CFAP20DC: variants seen among roughly 807,000 people sequenced by gnomAD.
CFAP20DC encodes CFAP20 domain containing, also known as protein CFAP20DC.
Under a neutral mutation model 101.7 loss-of-function variants are expected in CFAP20DC, and 84 were observed. The observed-to-expected ratio is 0.83, with a 90% CI of 0.69 to 0.99. The LOEUF is 0.99. Ranked by LOEUF, CFAP20DC falls within the 50% of genes least tolerant of loss-of-function variation. The pLI is 0.00. For missense variants in CFAP20DC, 1,007 were observed against 970.3 expected, an observed-to-expected ratio of 1.04 and a Z score of -0.50; for synonymous variants, 359 against 351.2, an observed-to-expected ratio of 1.02 and a Z score of -0.25.
At chr3:58,805,288 A>G (rs1356846254) in intron 15 of CFAP20DC, among the ~76,000 whole-genome samples, 1 of 152,194 alleles carries the variant, frequency 6.6e-6, no homozygotes, top group Admixed American at 6.5e-5. Context: ...AGAAGAATGG[A>G]GCAGATGGGA....
intron 6 of CFAP20DC, among the ~76,000 whole-genome samples, chr3:58,907,467 A>G (rs940418254): frequency 5.3e-5 from 8 of 152,258 alleles, no homozygotes; most frequent in Non-Finnish European, 2.9e-5. Context: ...AACAGAAGAC[A>G]GATAAATGTT....
At chr3:58,733,889 A>G (rs2067695039) in intron 3 of CFAP20DC, among the ~76,000 whole-genome samples, 1 of 152,238 alleles carries the variant, frequency 6.6e-6, no homozygotes, top group South Asian at 2.1e-4. Context: ...CATTTGTTTT[A>G]GCTTAGTCTT....
chr3:58,732,442 C>G lies in CFAP20DC; in HGVS notation c.198-14814G>C, dbSNP rs1313567439. ...AGTGACAACCTGAACCTCGAGTGGTCCAGGATGAATCAAGAGATGCTTTCA... is the reference window on the plus strand; with the variant it reads ...AGTGACAACCTGAACCTCGAGTGGTGCAGGATGAATCAAGAGATGCTTTCA... On this transcript the variant is annotated intron_variant, in intron 3 of 3. Coordinates refer to the CFAP20DC transcript ENST00000486145. This position sits in a 1 kb window ranked among gnomAD's most constrained non-coding sequence, Gnocchi z 5.4. 6.6e-6 allele frequency among the ~76,000 whole-genome samples: 1 copy of G among 152,116 alleles called. No individual in the cohort carries two copies. Among genetic ancestry groups the G allele is most frequent in the Non-Finnish European group, 1.5e-5 (1 of 68,028 alleles).
chr3:58,765,724 G>A (rs188030025), intron 15 of CFAP20DC, among the ~76,000 whole-genome samples: 123 of 152,144 alleles, frequency 8.1e-4, no homozygotes, highest in Middle Eastern at 3.4e-3. Flanking sequence ...TTTCACTGGG[G>A]ATCTTATATT....
At chr3:58,860,175 C>CAAAAAAAAAA (rs10575757) in intron 12 of CFAP20DC, among the ~76,000 whole-genome samples, 13 of 78,136 alleles carry the variant, frequency 1.7e-4, no homozygotes, top group East Asian at 6.2e-4. Context: ...AACTCCATCT[C>CAAAAAAAAAA]AAAAAAAAAA....
At chr3:58,935,455 C>T (rs1325925125) in intron 5 of CFAP20DC, among the ~76,000 whole-genome samples, 4 of 151,710 alleles carry the variant, frequency 2.6e-5, no homozygotes, top group South Asian at 2.1e-4. Context: ...AAAAAGAGCC[C>T]GCATCGCCAA....
intron 15 of CFAP20DC, among the ~76,000 whole-genome samples, chr3:58,769,437 C>A (rs2070632512): frequency 6.6e-6 from 1 of 152,176 alleles, no homozygotes; most frequent in African/African-American, 2.4e-5. Flanking sequence ...GTCTGGCCAT[C>A]ATGTCTGACT....
intron 12 of CFAP20DC, chr3:58,862,314 G>T: frequency 5.1e-6 from 5 of 985,366 alleles, no homozygotes; most frequent in Non-Finnish European, 6.0e-6. Flanking sequence ...CTGGGATGAG[G>T]ACACTATTAG....
intron 4 of CFAP20DC, among the ~76,000 whole-genome samples, chr3:58,969,878 A>G (rs2091848091): frequency 6.6e-6 from 1 of 152,188 alleles, no homozygotes; most frequent in Non-Finnish European, 1.5e-5. Flanking sequence ...GGGAGTGGAG[A>G]GTACCTGCTA....
chr3:58,779,171 A>G (rs1348412119), intron 15 of CFAP20DC, among the ~76,000 whole-genome samples: 1 of 152,246 alleles, frequency 6.6e-6, no homozygotes, highest in Non-Finnish European at 1.5e-5. Flanking sequence ...ATTGATATTA[A>G]AGATGCTCAA....
chr3:58,783,645 A>G lies in CFAP20DC; in HGVS notation c.2237+22750T>C, dbSNP rs1358612881. Among the ~76,000 whole-genome samples the G allele has an allele frequency of 5.2e-4, 79 of 152,138 alleles. 2 individuals are homozygous for G. Among genetic ancestry groups the G allele is most frequent in the Admixed American group, 4.9e-3 (75 of 15,262 alleles). On this transcript the variant is annotated intron_variant, in intron 15 of 16. Coordinates refer to ENST00000482387, the MANE Select transcript of CFAP20DC (RefSeq NM_001394063.1). ...AAACATGTGCAAAAACCACGAATAC[A>G]TATTTTTCAAAAGAAGACATACAAA... is the stretch of plus-strand genomic sequence containing the variant.
intron 15 of CFAP20DC, among the ~76,000 whole-genome samples, chr3:58,757,486 T>C (rs868503053): frequency 1.6e-5 from 2 of 128,672 alleles, no homozygotes; most frequent in Non-Finnish European, 1.6e-5. Flanking sequence ...TTTGTCTTTG[T>C]TTATGGTGGT....
intron 15 of CFAP20DC, among the ~76,000 whole-genome samples, chr3:58,763,574 C>T (rs1240152232): frequency 1.3e-5 from 2 of 152,218 alleles, no homozygotes; most frequent in Non-Finnish European, 2.9e-5. Context: ...TGTTCCGTTG[C>T]TGGTGAGAAG....
At position 58,749,227 on chromosome 3, in the gene CFAP20DC, T is replaced by C. The variant is rs750867492; in HGVS notation, c.2332+4542A>G. Reference sequence around the variant, plus strand: ...TGTGTCCTAGAAGCCACACTAGGCATTGGGGATACCAGAGTTGTTCAGCAA... The same window carrying C: ...TGTGTCCTAGAAGCCACACTAGGCACTGGGGATACCAGAGTTGTTCAGCAA... On this transcript the variant is annotated intron_variant, in intron 16 of 16. Coordinates refer to ENST00000482387, the MANE Select transcript of CFAP20DC (RefSeq NM_001394063.1). Among the ~76,000 whole-genome samples the C allele has an allele frequency of 3.9e-5, 6 of 152,274 alleles. No individual in the cohort carries two copies. In the South Asian group the frequency reaches 1.2e-3, roughly 32 times the overall value.
intron 4 of CFAP20DC, among the ~76,000 whole-genome samples, chr3:58,947,415 GA>G (rs1419050019): frequency 6.6e-6 from 1 of 152,096 alleles, no homozygotes; most frequent in Non-Finnish European, 1.5e-5. Flanking sequence ...ATCGCTCCCC[GA>G]AAAATGCCAC....
chr3:58,730,706 G>C (rs1245586191), intron 3 of CFAP20DC, among the ~76,000 whole-genome samples: 1 of 152,126 alleles, frequency 6.6e-6, no homozygotes, highest in Non-Finnish European at 1.5e-5. Context: ...GGTGAATTTT[G>C]AATGTTTACA....
chr3:59,040,261 C>T (rs1699244249), intron 3 of CFAP20DC, among the ~76,000 whole-genome samples: 1 of 152,022 alleles, frequency 6.6e-6, no homozygotes, highest in African/African-American at 2.4e-5. Context: ...CTATTACTAG[C>T]TTCATCTGGA....
intron 13 of CFAP20DC, among the ~76,000 whole-genome samples, chr3:58,834,591 G>C (rs987300050): frequency 3.9e-5 from 6 of 152,100 alleles, no homozygotes; most frequent in African/African-American, 1.4e-4. Context: ...AAAAATCTAA[G>C]CCTGGGCCTT....
chr3:58,863,400 C>A lies in CFAP20DC; in HGVS notation c.1593+158G>T. On this transcript the variant is annotated intron_variant, in intron 12 of 16. Coordinates refer to ENST00000482387, the MANE Select transcript of CFAP20DC (RefSeq NM_001394063.1). This position sits in a 1 kb window ranked among gnomAD's most constrained non-coding sequence, Gnocchi z 5.9. ...AAAAAAAAAGACAGTTTAAAGTTAC[C>A]ATAACAACCTGATGCAACTGTGGAC... The A allele has an allele frequency of 3.6e-6, 5 of 1,399,526 alleles. No individual in the cohort carries two copies. The highest frequency in any genetic ancestry group is 3.5e-5 in the South Asian group (2 of 56,488). 86.7% of individuals were successfully genotyped at this position (1,399,526 alleles called of 1,614,324 possible).
Sources: allele counts gnomAD v4.1 joint callset (sites outside exome capture counted in the v4.1 genomes callset), GRCh38; gene constraint gnomAD v4.1.1; non-coding constraint Gnocchi (gnomAD v3.1); transcripts MANE v1.5; gene names NCBI Gene and HGNC (gene_info 2026-07-23, HGNC 2026-07-21).